The following CNTN5 variants were observed in gnomAD, a reference collection of about 807,000 sequenced individuals.
CNTN5 encodes contactin 5, also known as contactin-5.
In CNTN5, 77 loss-of-function variants were observed where a neutral mutation model predicts 129.1. The observed-to-expected ratio is 0.60, with a 90% CI of 0.50 to 0.72. CNTN5 has a LOEUF of 0.72. Ranked by LOEUF, CNTN5 falls within the 30% of genes least tolerant of loss-of-function variation. The probability of loss-of-function intolerance (pLI) is 0.00; values close to 1 mark genes in which losing one functional copy is unlikely to be tolerated. For missense variants in CNTN5, 1,478 were observed against 1,328.8 expected (o/e 1.11, Z -1.75); for synonymous variants, 509 against 465.6 (o/e 1.09, Z -1.20).
At chr11:99,491,422 T>C (rs573551581) in intron 2 of CNTN5, among the ~76,000 whole-genome samples, 53 of 152,290 alleles carry the variant, frequency 3.5e-4, no homozygotes, top group Non-Finnish European at 6.9e-4. Flanking sequence ...GGAATCCTTA[T>C]TGACTCCCGG....
intron 15 of CNTN5, among the ~76,000 whole-genome samples, chr11:100,194,617 A>G (rs2138518488): frequency 6.6e-6 from 1 of 151,642 alleles, no homozygotes; most frequent in East Asian, 1.9e-4. Context: ...AAAAAAAAAA[A>G]GCCCTAAATC....
At chr11:99,912,952 T>C (rs1949699810) in intron 6 of CNTN5, among the ~76,000 whole-genome samples, 1 of 152,076 alleles carries the variant, frequency 6.6e-6, no homozygotes, top group Non-Finnish European at 1.5e-5. Context: ...TCCCTTTTAT[T>C]CCTGTAAAGG....
intron 2 of CNTN5, among the ~76,000 whole-genome samples, chr11:99,394,985 G>C (rs1260819703): frequency 2.6e-5 from 4 of 151,610 alleles, no homozygotes; most frequent in African/African-American, 9.7e-5. Context: ...TATTGTGAAT[G>C]GTGCTGCAGT....
At chr11:99,871,568 T>A (rs113647841) in intron 6 of CNTN5, among the ~76,000 whole-genome samples, 182 of 152,138 alleles carry the variant, frequency 1.2e-3, no homozygotes, top group African/African-American at 4.1e-3. Flanking sequence ...GTGTTTAATG[T>A]CAGGTACTGG....
At chr11:99,591,340 T>TC (rs1448374363) in intron 3 of CNTN5, among the ~76,000 whole-genome samples, 1 of 137,036 alleles carries the variant, frequency 7.3e-6, no homozygotes, top group East Asian at 2.0e-4. Flanking sequence ...ACAAAACCTT[T>TC]TTTTTTTTTT....
chr11:100,190,507 T>G (rs2138500202), intron 13 of CNTN5, among the ~76,000 whole-genome samples: 1 of 152,240 alleles, frequency 6.6e-6, no homozygotes, highest in South Asian at 2.1e-4. Flanking sequence ...CATATGAAAG[T>G]GAAGGTCCAG....
chr11:99,374,553 A>G (rs1940040148), intron 2 of CNTN5, among the ~76,000 whole-genome samples: 1 of 152,108 alleles, frequency 6.6e-6, no homozygotes, highest in African/African-American at 2.4e-5. Context: ...GCATGGTGGC[A>G]GGTGCCTGTA....
chr11:99,397,480 CT>C (rs1941583918), intron 2 of CNTN5, among the ~76,000 whole-genome samples: 1 of 151,748 alleles, frequency 6.6e-6, no homozygotes, highest in Non-Finnish European at 1.5e-5. Context: ...ATTTGGAATT[CT>C]TTTGTACAGA....
intron 1 of CNTN5, among the ~76,000 whole-genome samples, chr11:99,070,922 T>C (rs1393823498): frequency 6.6e-6 from 1 of 152,136 alleles, no homozygotes; most frequent in East Asian, 1.9e-4. Context: ...CAACCTGGAA[T>C]GAACATGCAA....
chr11:100,023,404 T>A (rs552960820), intron 9 of CNTN5, among the ~76,000 whole-genome samples: 1 of 152,188 alleles, frequency 6.6e-6, no homozygotes, highest in East Asian at 1.9e-4. Context: ...AGTGCAGACA[T>A]TTCCTATATC....
intron 3 of CNTN5, among the ~76,000 whole-genome samples, chr11:99,752,629 C>A (rs541822566): frequency 6.6e-6 from 1 of 152,054 alleles, no homozygotes; most frequent in Admixed American, 6.6e-5. Flanking sequence ...TTACTAAAAA[C>A]GATGTTTTAA....
intron 1 of CNTN5, among the ~76,000 whole-genome samples, chr11:99,083,750 A>G (rs1865896196): frequency 6.6e-6 from 1 of 152,146 alleles, no homozygotes; most frequent in Non-Finnish European, 1.5e-5. Context: ...AAATTAGAGG[A>G]GGTGAATGAA....
chr11:99,769,118 A>G (rs1392195183), intron 3 of CNTN5, among the ~76,000 whole-genome samples: 3 of 152,018 alleles, frequency 2.0e-5, no homozygotes, highest in Non-Finnish European at 4.4e-5. Context: ...CATTACTTGC[A>G]ATATTCTTTT....
chr11:99,963,402 T>G (rs900091189), intron 8 of CNTN5, among the ~76,000 whole-genome samples: 1 of 152,168 alleles, frequency 6.6e-6, no homozygotes, highest in Non-Finnish European at 1.5e-5. Context: ...CCAGCACCAT[T>G]TATTAAATAG....
chr11:99,689,549 A>AAG (rs1489861465), intron 3 of CNTN5, among the ~76,000 whole-genome samples: 1 of 150,490 alleles, frequency 6.6e-6, no homozygotes, highest in African/African-American at 2.4e-5. Context: ...AAAAAAAAAA[A>AAG]AAAGGCATTC....
chr11:99,212,102 T>C (rs1171108290), intron 1 of CNTN5, among the ~76,000 whole-genome samples: 1 of 152,200 alleles, frequency 6.6e-6, no homozygotes, highest in Non-Finnish European at 1.5e-5. Flanking sequence ...GGCATTTGTT[T>C]TCTCACAGGG....
chr11:99,854,712 C>G (rs1947979309), intron 6 of CNTN5, among the ~76,000 whole-genome samples: 1 of 151,896 alleles, frequency 6.6e-6, no homozygotes, highest in Non-Finnish European at 1.5e-5. Flanking sequence ...GGAGAAAATA[C>G]CCAACATTTA....
At chr11:100,317,188 T>G (rs933432154) in intron 21 of CNTN5, among the ~76,000 whole-genome samples, 2 of 152,212 alleles carry the variant, frequency 1.3e-5, no homozygotes, top group Non-Finnish European at 2.9e-5. Flanking sequence ...TATTTTATGA[T>G]CTGACTCTAA....
At chr11:100,112,474 G>A (rs1010083560) in intron 13 of CNTN5, among the ~76,000 whole-genome samples, 6 of 151,970 alleles carry the variant, frequency 3.9e-5, no homozygotes, top group Admixed American at 1.3e-4. Context: ...ATCAGACACC[G>A]AAAATGTAAC....
Sources: allele counts gnomAD v4.1 joint callset (sites outside exome capture counted in the v4.1 genomes callset), GRCh38; gene constraint gnomAD v4.1.1; transcripts MANE v1.5; gene names NCBI Gene and HGNC (gene_info 2026-07-23, HGNC 2026-07-21).